BMPR1B: variants seen among roughly 807,000 people sequenced by gnomAD.
The protein encoded by BMPR1B is bone morphogenetic protein receptor type-1B.
BMPR1B carries 12 observed loss-of-function variants against 59.1 expected under a neutral mutation model. The observed-to-expected ratio is 0.20, with a 90% CI of 0.13 to 0.33. BMPR1B has a LOEUF of 0.33. Among genes scored for constraint, BMPR1B ranks in the 10% least tolerant of loss-of-function variants. The pLI is 1.00. For missense variants in BMPR1B, 550 were observed against 610.9 expected (o/e 0.90, Z 1.05); for synonymous variants, 237 against 207.3 (o/e 1.14, Z -1.23).
intron 2 of BMPR1B, among the ~76,000 whole-genome samples, chr4:94,952,972 G>C (rs1730004994): frequency 6.6e-6 from 1 of 152,094 alleles, no homozygotes; most frequent in Non-Finnish European, 1.5e-5. Flanking sequence ...ATTTAAGATA[G>C]TTAGCGCTTC....
intron 3 of BMPR1B, among the ~76,000 whole-genome samples, chr4:95,087,431 A>G (rs1729666761): frequency 6.6e-6 from 1 of 152,072 alleles, no homozygotes; most frequent in South Asian, 2.1e-4. Context: ...GAAGGGAGTC[A>G]TTTAGAAATT....
chr4:94,803,360 C>G (rs933566472), intron 1 of BMPR1B, among the ~76,000 whole-genome samples: 2 of 152,178 alleles, frequency 1.3e-5, no homozygotes, highest in Non-Finnish European at 2.9e-5. Flanking sequence ...TGTATCTCCT[C>G]TGCCTGACCA....
chr4:95,006,490 T>TA (rs1208621034), intron 3 of BMPR1B, among the ~76,000 whole-genome samples: 2 of 151,824 alleles, frequency 1.3e-5, no homozygotes, highest in Admixed American at 6.6e-5. Flanking sequence ...TGACAATACT[T>TA]ACGATTATGT....
intron 3 of BMPR1B, among the ~76,000 whole-genome samples, chr4:95,031,753 TA>T (rs544135495): frequency 5.3e-5 from 8 of 152,128 alleles, no homozygotes; most frequent in African/African-American, 1.4e-4. Flanking sequence ...CAAAGGGGTT[TA>T]AAAAAATACT....
chr4:95,020,980 G>C (rs1334018770), intron 3 of BMPR1B, among the ~76,000 whole-genome samples: 3 of 152,122 alleles, frequency 2.0e-5, no homozygotes, highest in Non-Finnish European at 4.4e-5. Flanking sequence ...CTCCCAAAGT[G>C]CTGAGATTAC....
intron 1 of BMPR1B, among the ~76,000 whole-genome samples, chr4:94,826,353 C>T (rs1373967118): frequency 6.7e-6 from 1 of 148,848 alleles, no homozygotes; most frequent in African/African-American, 2.5e-5. Flanking sequence ...ACACCTGCAG[C>T]ACTGGGGTCT....
chr4:95,136,405 C>T (rs1733789856), intron 10 of BMPR1B, among the ~76,000 whole-genome samples: 1 of 152,136 alleles, frequency 6.6e-6, no homozygotes, highest in Non-Finnish European at 1.5e-5. Context: ...GCTTTGGTAT[C>T]AGGATGATGC....
intron 1 of BMPR1B, among the ~76,000 whole-genome samples, chr4:94,768,985 A>C (rs1037244224): frequency 1.3e-5 from 2 of 152,154 alleles, no homozygotes; most frequent in African/African-American, 4.8e-5. Context: ...GGTTTTCATC[A>C]ACACCTTTCT....
At chr4:94,840,984 C>G (rs1299575214) in intron 1 of BMPR1B, among the ~76,000 whole-genome samples, 3 of 146,618 alleles carry the variant, frequency 2.0e-5, no homozygotes, top group Non-Finnish European at 4.6e-5. Context: ...TTCTAACAGA[C>G]AGGACCCTCA....
intron 3 of BMPR1B, among the ~76,000 whole-genome samples, chr4:95,064,776 A>G (rs996696532): frequency 4.6e-5 from 7 of 152,198 alleles, no homozygotes; most frequent in Non-Finnish European, 8.8e-5. Context: ...CAATCACATG[A>G]AAAAATGCTC....
At chr4:94,957,333 G>GTTTTTTTT (rs56341742) in intron 2 of BMPR1B, among the ~76,000 whole-genome samples, 31 of 65,658 alleles carry the variant, frequency 4.7e-4, no homozygotes, top group East Asian at 1.2e-3. Context: ...CCTGTTTCGT[G>GTTTTTTTT]TTTTTTTTTT....
chr4:94,796,373 G>T (rs1044352163), intron 1 of BMPR1B, among the ~76,000 whole-genome samples: 5 of 152,152 alleles, frequency 3.3e-5, no homozygotes, highest in Non-Finnish European at 7.3e-5. Flanking sequence ...TCTATCAAAT[G>T]GTAGACTTTG....
At chr4:95,081,626 T>A (rs1474930791) in intron 3 of BMPR1B, among the ~76,000 whole-genome samples, 1 of 152,164 alleles carries the variant, frequency 6.6e-6, no homozygotes. Flanking sequence ...AAATACAAGA[T>A]GGACAGTAGG....
chr4:94,889,016 G>T (rs985623673), intron 2 of BMPR1B, among the ~76,000 whole-genome samples: 4 of 151,854 alleles, frequency 2.6e-5, no homozygotes, highest in Non-Finnish European at 5.9e-5. Flanking sequence ...GGTTTTAAGA[G>T]TCTTATTTTT....
intron 2 of BMPR1B, among the ~76,000 whole-genome samples, chr4:94,916,455 G>C (rs1340816874): frequency 6.6e-6 from 1 of 152,196 alleles, no homozygotes; most frequent in African/African-American, 2.4e-5. Context: ...CCTTAGCAAA[G>C]AACTTGGCTG....
intron 3 of BMPR1B, among the ~76,000 whole-genome samples, chr4:95,099,962 C>T (rs574194809): frequency 2.5e-4 from 38 of 152,254 alleles, no homozygotes; most frequent in Non-Finnish European, 5.1e-4. Flanking sequence ...ATTACAAATG[C>T]GTTTCCAAAC....
At chr4:95,148,957 T>C (rs1734842736) in intron 11 of BMPR1B, 34 bp downstream of exon 11, 2 of 1,608,390 alleles carry the variant, frequency 1.2e-6, no homozygotes, top group Non-Finnish European at 1.7e-6. Flanking sequence ...AAAGCTACTA[T>C]TGGAGCTACT....
chr4:94,881,056 T>C (rs1726949355), intron 2 of BMPR1B, among the ~76,000 whole-genome samples: 1 of 152,218 alleles, frequency 6.6e-6, no homozygotes, highest in Non-Finnish European at 1.5e-5. Flanking sequence ...GCAAAATGTG[T>C]ATACCATAAA....
intron 3 of BMPR1B, among the ~76,000 whole-genome samples, chr4:95,094,637 G>A (rs994470064): frequency 2.0e-5 from 3 of 152,056 alleles, no homozygotes; most frequent in Non-Finnish European, 2.9e-5. Flanking sequence ...TACTCTCCAC[G>A]TCTTCTATAA....
Sources: allele counts gnomAD v4.1 joint callset (sites outside exome capture counted in the v4.1 genomes callset), GRCh38; gene constraint gnomAD v4.1.1; transcripts MANE v1.5; gene names NCBI Gene and HGNC (gene_info 2026-07-23, HGNC 2026-07-21).